GPM6A: variants seen among roughly 807,000 people sequenced by gnomAD.
The protein encoded by GPM6A is neuronal membrane glycoprotein M6-a.
GPM6A carries 7 observed loss-of-function variants against 32.1 expected under a neutral mutation model. That is an observed-to-expected ratio of 0.22 (90% CI 0.12 to 0.41). The LOEUF (loss-of-function observed/expected upper bound fraction) is 0.41. Among genes scored for constraint, GPM6A ranks in the 10% least tolerant of loss-of-function variants. The probability of loss-of-function intolerance (pLI) is 1.00; values close to 1 mark genes in which losing one functional copy is unlikely to be tolerated. For missense variants in GPM6A, 235 were observed against 347.2 expected (o/e 0.68, Z 2.57); for synonymous variants, 130 against 123.4 (o/e 1.05, Z -0.35).
rs140050934 is a variant in GPM6A, at chr4:175,715,788, C to T, written c.38-14021G>A. On this transcript the variant is annotated intron_variant, in intron 1 of 6. Transcript: ENST00000393658. ...AGGTCAAGAATTTGTATTTTCTGTC[C>T]GGGCATGGTGGCTCATACTGTAATC... Among the ~76,000 whole-genome samples the T allele has an allele frequency of 4.9e-3, 748 of 151,748 alleles. 7 individuals are homozygous for T. Among genetic ancestry groups the T allele is most frequent in the African/African-American group, 0.017 (709 of 41,354 alleles).
At chr4:175,914,314 A>ATTTTG (rs529603613) in intron 1 of GPM6A, among the ~76,000 whole-genome samples, 101 of 152,158 alleles carry the variant, frequency 6.6e-4, no homozygotes, top group Admixed American at 1.0e-3. Context: ...GCAAATCAGC[A>ATTTTG]TTTTGTTTTG....
At chr4:175,780,525 G>A (rs571779520) in intron 1 of GPM6A, among the ~76,000 whole-genome samples, 32 of 152,292 alleles carry the variant, frequency 2.1e-4, no homozygotes, top group Non-Finnish European at 4.0e-4. Context: ...ATGCAGTTAT[G>A]GAGAGACTTA....
chr4:175,734,166 T>TA (rs1731555984), intron 1 of GPM6A, among the ~76,000 whole-genome samples: 7 of 150,278 alleles, frequency 4.7e-5, no homozygotes, highest in Admixed American at 6.6e-5. Flanking sequence ...ATATATTTTT[T>TA]AATTTCAACA....
chr4:175,859,733 T>A (rs950995349), intron 1 of GPM6A, among the ~76,000 whole-genome samples: 1 of 152,004 alleles, frequency 6.6e-6, no homozygotes, highest in Non-Finnish European at 1.5e-5. Context: ...ACAGATGAAG[T>A]GCCCTGGGGT....
chr4:175,666,542 A>G lies in GPM6A; in HGVS notation c.387+7138T>C, dbSNP rs150045304. ...TTTTTCCCAGTACAGTAGGCATACG[A>G]TTTCTGGTTGAAAAATAGAGGCACT... On this transcript the variant is annotated intron_variant, in intron 3 of 6. Transcript: ENST00000393658. 3.8e-3 allele frequency among the ~76,000 whole-genome samples: 577 copies of G among 152,260 alleles called. 5 individuals carry two copies. The highest frequency in any genetic ancestry group is 0.013 in the African/African-American group (547 of 41,564).
At chr4:175,760,064 C>T (rs1448810426) in intron 1 of GPM6A, among the ~76,000 whole-genome samples, 3 of 151,972 alleles carry the variant, frequency 2.0e-5, no homozygotes, top group African/African-American at 4.8e-5. Flanking sequence ...CCTGTAATCA[C>T]GGCTACTCTG....
intron 1 of GPM6A, among the ~76,000 whole-genome samples, chr4:175,728,495 C>G (rs1282336182): frequency 6.6e-6 from 1 of 152,092 alleles, no homozygotes; most frequent in Non-Finnish European, 1.5e-5. Context: ...CATGCCAGTT[C>G]CTTTTCTGTA....
upstream of GPM6A, among the ~76,000 whole-genome samples, chr4:175,815,833 T>C (rs529132141): frequency 6.7e-6 from 1 of 150,160 alleles, no homozygotes. Flanking sequence ...TTCTCCTGCC[T>C]CAGCCTCCCA....
At chr4:175,890,112 C>A (rs1333297575) in intron 1 of GPM6A, among the ~76,000 whole-genome samples, 1 of 152,144 alleles carries the variant, frequency 6.6e-6, no homozygotes, top group Admixed American at 6.5e-5. Context: ...AACAATGAGA[C>A]TCTACTGCAT....
intron 1 of GPM6A, among the ~76,000 whole-genome samples, chr4:175,776,289 T>C (rs748767441): frequency 1.3e-5 from 2 of 152,206 alleles, no homozygotes; most frequent in African/African-American, 2.4e-5. Flanking sequence ...TATATGTAAA[T>C]TCTATGGAAA....
At chr4:175,885,666 C>G (rs1236608390) in intron 1 of GPM6A, among the ~76,000 whole-genome samples, 3 of 152,144 alleles carry the variant, frequency 2.0e-5, no homozygotes, top group South Asian at 2.1e-4. Context: ...AGTAATCCCA[C>G]TCCTTGGTAT....
intron 1 of GPM6A, among the ~76,000 whole-genome samples, chr4:175,909,750 G>C (rs1250569930): frequency 6.6e-6 from 1 of 152,112 alleles, no homozygotes; most frequent in Non-Finnish European, 1.5e-5. Context: ...CACAAAAGTT[G>C]GTAGGATTTG....
At chr4:175,718,454 A>G (rs553038386) in intron 1 of GPM6A, among the ~76,000 whole-genome samples, 11 of 152,128 alleles carry the variant, frequency 7.2e-5, no homozygotes, top group African/African-American at 2.7e-4. Flanking sequence ...CATCTCTACT[A>G]AAAATACAAA....
intron 1 of GPM6A, among the ~76,000 whole-genome samples, chr4:175,937,282 A>G (rs1015135341): frequency 2.6e-5 from 4 of 152,200 alleles, no homozygotes; most frequent in African/African-American, 4.8e-5. Flanking sequence ...GTAAATTAAA[A>G]GGAATCAACT....
chr4:175,822,929 A>G (rs1269249440), intron 1 of GPM6A, among the ~76,000 whole-genome samples: 1 of 152,166 alleles, frequency 6.6e-6, no homozygotes, highest in African/African-American at 2.4e-5. Context: ...ATATAGGTAC[A>G]ATATTATTTT....
intron 1 of GPM6A, among the ~76,000 whole-genome samples, chr4:175,825,671 A>G (rs1321627133): frequency 6.6e-6 from 1 of 152,196 alleles, no homozygotes; most frequent in African/African-American, 2.4e-5. Flanking sequence ...TAATAAAAAT[A>G]TGTCAAAATC....
intron 1 of GPM6A, among the ~76,000 whole-genome samples, chr4:175,955,215 C>A (rs1474180430): frequency 6.6e-6 from 1 of 152,218 alleles, no homozygotes; most frequent in Admixed American, 6.5e-5. Context: ...CCAACAAGCC[C>A]ACATACCACA....
In GPM6A at chr4:175,696,017, G is replaced by A. The variant is rs114939287; in HGVS notation, c.230+5558C>T. 1.9e-3 allele frequency among the ~76,000 whole-genome samples: 285 copies of A among 152,068 alleles called. 1 individual carries two copies. The highest frequency in any genetic ancestry group is 6.5e-3 in the African/African-American group (269 of 41,466). On this transcript the variant is annotated intron_variant, in intron 2 of 6. Coordinates refer to ENST00000393658, the MANE Select transcript of GPM6A (RefSeq NM_201591.3). Reference sequence around the variant, plus strand: ...AACTGGTTGTTTAGGGTATGTTCAGGGACAAACAGACTTAAGGCAGCATGA... The same window carrying A: ...AACTGGTTGTTTAGGGTATGTTCAGAGACAAACAGACTTAAGGCAGCATGA...
At chr4:175,709,042 T>G (rs1466830521) in intron 1 of GPM6A, among the ~76,000 whole-genome samples, 1 of 152,246 alleles carries the variant, frequency 6.6e-6, no homozygotes, top group Non-Finnish European at 1.5e-5. Flanking sequence ...TATTTCTTCT[T>G]AAATCTGTTT....
Sources: allele counts gnomAD v4.1 joint callset (sites outside exome capture counted in the v4.1 genomes callset), GRCh38; gene constraint gnomAD v4.1.1; transcripts MANE v1.5; gene names NCBI Gene and HGNC (gene_info 2026-07-23, HGNC 2026-07-21).